SPNS3: variants seen among roughly 807,000 people sequenced by gnomAD.
The protein encoded by SPNS3 is SPNS lysolipid transporter 3, sphingosine-1-phosphate (putative), also known as protein spinster homolog 3.
Under a neutral mutation model 54.4 loss-of-function variants are expected in SPNS3, and 51 were observed. The observed-to-expected ratio is 0.94, with a 90% CI of 0.75 to 1.18. SPNS3 has a LOEUF of 1.18. Ranked by LOEUF, SPNS3 falls within the 50% of genes most tolerant of loss-of-function variation. The probability of loss-of-function intolerance (pLI) is 0.00; values close to 1 mark genes in which losing one functional copy is unlikely to be tolerated. For synonymous variants in SPNS3, 309 were observed against 294.7 expected (o/e 1.05, Z -0.50); for missense variants, 669 against 677.4 (o/e 0.99, Z 0.14).
At chr17:4,485,902 G>A (rs1322328783) in intron 9 of SPNS3, among the ~76,000 whole-genome samples, 1 of 152,188 alleles carries the variant, frequency 6.6e-6, no homozygotes. Context: ...CTGCATCCTG[G>A]GCCCCTGAGC....
At chr17:4,442,148 C>T (rs541655804) in intron 2 of SPNS3, among the ~76,000 whole-genome samples, 8 of 152,174 alleles carry the variant, frequency 5.3e-5, no homozygotes, top group East Asian at 3.9e-4. Context: ...TTACCTTTTC[C>T]GGTTACCGTG....
chr17:4,467,388 C>T (rs1443826904), intron 8 of SPNS3, among the ~76,000 whole-genome samples: 2 of 151,968 alleles, frequency 1.3e-5, no homozygotes, highest in Non-Finnish European at 2.9e-5. Flanking sequence ...CTGGATGGTT[C>T]CTCTGCTGGT....
chr17:4,460,076 A>T (rs895926795), intron 8 of SPNS3, among the ~76,000 whole-genome samples: 2 of 152,154 alleles, frequency 1.3e-5, no homozygotes, highest in African/African-American at 2.4e-5. Context: ...TAGAGGGAAC[A>T]GCAACTGTGA....
chr17:4,442,822 G>A (rs1970887068), intron 2 of SPNS3, among the ~76,000 whole-genome samples: 1 of 152,184 alleles, frequency 6.6e-6, no homozygotes. Context: ...CTGAAGCTGG[G>A]ATTTGAATCC....
At chr17:4,446,004 G>A in intron 3 of SPNS3, 44 bp from the exon 4 acceptor site, 1 of 1,561,498 alleles carries the variant, frequency 6.4e-7, no homozygotes, top group Non-Finnish European at 8.7e-7. Flanking sequence ...TGGCCCTATG[G>A]GTGATTTCTG....
rs942342600 is a variant in SPNS3, at chr17:4,478,583, C to A, written c.1125C>A (p.Gly375=). 1.0e-5 allele frequency: 16 copies of A among 1,579,816 alleles called. No individual in the cohort carries two copies. The highest frequency in any genetic ancestry group is 1.9e-5 in the Admixed American group (1 of 53,930). Residue 375 remains glycine, a synonymous_variant, in exon 9 of 12, where the codon GGC becomes GGA. Coordinates refer to ENST00000355530, the MANE Select transcript of SPNS3 (RefSeq NM_182538.5). The part of the protein sequence containing the change: ...TTLLASYVFL[G]LGELLLSCNW... The stretch of plus-strand genomic sequence containing the variant: ...CCCTCTGTCCACAGGTGTTCCTGGG[C>A]CTTGGGGAGCTGCTTCTGTCCTGCA...
chr17:4,447,258 G>T (rs1417099713), intron 5 of SPNS3, among the ~76,000 whole-genome samples: 4 of 152,194 alleles, frequency 2.6e-5, no homozygotes, highest in African/African-American at 9.7e-5. Flanking sequence ...GGTACTAAAT[G>T]CTACCTAAGG....
chr17:4,481,608 G>A (rs572526620), intron 9 of SPNS3, among the ~76,000 whole-genome samples: 65 of 152,302 alleles, frequency 4.3e-4, no homozygotes, highest in Non-Finnish European at 8.8e-4. Context: ...AGGGCAGAGG[G>A]CAGCAGAGCC....
chr17:4,478,686 GATTGGGCCTCTGCT>G, intron 9 of SPNS3, 49 bp downstream of exon 9: 1 of 1,551,702 alleles, frequency 6.4e-7, no homozygotes. Context: ...AGCTGGAGAG[GATTGGGCCTCTGCT>G]GCTGAGCAGC....
At chr17:4,440,648 T>C (rs61678652) in intron 2 of SPNS3, among the ~76,000 whole-genome samples, 3 of 152,224 alleles carry the variant, frequency 2.0e-5, no homozygotes, top group East Asian at 1.9e-4. Context: ...TCTACCATGG[T>C]AAACAGAAAG....
In SPNS3 at chr17:4,446,813, G is replaced by GT. The variant is rs1006731557; in HGVS notation, c.555-83_555-82insT. 23 of 1,337,588 alleles carry GT rather than the reference G, an allele frequency of 1.7e-5. No homozygotes were observed. The African/African-American group carries it at 3.0e-4, about 18-fold the overall frequency. The allele number at this position is 1,337,588 out of a possible 1,614,324, so 82.9% of individuals were successfully genotyped here. The stretch of plus-strand genomic sequence containing the variant: ...AGCCAGCTCCCTGGGGCGTGGGGGG[G>GT]GCACCCTGGGTCAGGCTGGTGGTGG... On this transcript the variant is annotated intron_variant, in intron 4 of 11. Transcript: ENST00000355530.
In SPNS3 at chr17:4,472,774, CTTTTTTTTTTTT is replaced by C. The variant is rs375118697; in HGVS notation, c.1114-5776_1114-5765del. Among the ~76,000 whole-genome samples, 203 of 50,986 alleles carry C rather than the reference CTTTTTTTTTTTT, an allele frequency of 4.0e-3. No individual in the cohort carries two copies. In the East Asian group the frequency reaches 0.042, roughly 10 times the overall value. The allele number at this position is 50,986 out of a possible 152,430, so 33.4% of individuals were successfully genotyped here. On this transcript the variant is annotated intron_variant, in intron 8 of 11. Coordinates refer to ENST00000355530, the MANE Select transcript of SPNS3 (RefSeq NM_182538.5). ...ATTGTCTGCTCTTTTGCTTGGCAGC[CTTTTTTTTTTTT>C]TTTTTTTTTTTTTTTTTTTTTGAGG...
intron 9 of SPNS3, among the ~76,000 whole-genome samples, chr17:4,481,026 T>C (rs1972136318): frequency 6.6e-6 from 1 of 152,020 alleles, no homozygotes; most frequent in African/African-American, 2.4e-5. Context: ...GAGGGGCAGA[T>C]GCCAGCTTGG....
rs1378409514 is a variant in SPNS3, at chr17:4,445,285, G to A, written c.402+117G>A. 3.6e-6 allele frequency: 4 copies of A among 1,104,056 alleles called. No individual in the cohort carries two copies. In the African/African-American group the frequency reaches 6.3e-5, roughly 17 times the overall value. 68.4% of individuals were successfully genotyped at this position (1,104,056 alleles called of 1,614,324 possible). A position where few individuals can be genotyped will look rare whatever the true frequency, so the allele number is the denominator to read the frequency against. ...TTCTGCTCCATTCCTGGCTGTGACT[G>A]GATCAGGGATTGCACTGAGGGCTGG... On this transcript the variant is annotated intron_variant, in intron 3 of 11. Coordinates refer to ENST00000355530, the MANE Select transcript of SPNS3 (RefSeq NM_182538.5).
chr17:4,463,617 T>C (rs1971599262), intron 8 of SPNS3, among the ~76,000 whole-genome samples: 1 of 151,132 alleles, frequency 6.6e-6, no homozygotes, highest in South Asian at 2.1e-4. Flanking sequence ...CATGCGCCTT[T>C]AATCCCAGCT....
At chr17:4,475,322 C>T (rs943227552) in intron 8 of SPNS3, among the ~76,000 whole-genome samples, 4 of 152,176 alleles carry the variant, frequency 2.6e-5, no homozygotes, top group African/African-American at 9.7e-5. Context: ...TCGGAAGTCC[C>T]CTCTGGGGCT....
intron 11 of SPNS3, among the ~76,000 whole-genome samples, chr17:4,487,308 G>C (rs1405009764): frequency 6.6e-6 from 1 of 152,208 alleles, no homozygotes; most frequent in African/African-American, 2.4e-5. Context: ...GCTTCCGGCA[G>C]TGGGGACAAT....
chr17:4,465,142 G>A (rs191642704), intron 8 of SPNS3, among the ~76,000 whole-genome samples: 2 of 152,164 alleles, frequency 1.3e-5, no homozygotes, highest in East Asian at 1.9e-4. Flanking sequence ...TAAGGGTGAG[G>A]GGCTGGATCA....
chr17:4,445,903 G>A (rs1029862199), intron 3 of SPNS3, 145 bp from the exon 4 acceptor site: 5 of 888,932 alleles, frequency 5.6e-6, no homozygotes, highest in East Asian at 2.7e-5. Flanking sequence ...ACCTGGAGTG[G>A]AGAGGTGTCT....
Sources: allele counts gnomAD v4.1 joint callset (sites outside exome capture counted in the v4.1 genomes callset), GRCh38; gene constraint gnomAD v4.1.1; transcripts MANE v1.5; gene names NCBI Gene and HGNC (gene_info 2026-07-23, HGNC 2026-07-21).